The following RNF149 variants were observed in gnomAD, a reference collection of about 807,000 sequenced individuals.
RNF149 encodes the protein E3 ubiquitin-protein ligase RNF149.
Under a neutral mutation model 39.0 loss-of-function variants are expected in RNF149, and 21 were observed. The observed-to-expected ratio is 0.54, with a 90% confidence interval of 0.38 to 0.77. RNF149 has a LOEUF of 0.77. Ranked by LOEUF, RNF149 falls within the 30% of genes least tolerant of loss-of-function variation. RNF149 has a pLI of 0.00. For synonymous variants in RNF149, 209 were observed against 213.6 expected (o/e 0.98, Z 0.19); for missense variants, 493 against 534.9 (o/e 0.92, Z 0.77).
At chr2:101,273,672 C>G (rs1322008331), downstream of RNF149, among the ~76,000 whole-genome samples, 1 of 151,798 alleles carries the variant, frequency 6.6e-6, no homozygotes, top group Non-Finnish European at 1.5e-5. Context: ...TGAGTTTTGC[C>G]TTGTTGCCTA....
chr2:101,284,785 A>T (rs1463468331), intron 5 of RNF149, among the ~76,000 whole-genome samples: 2 of 152,156 alleles, frequency 1.3e-5, no homozygotes, highest in Admixed American at 1.3e-4. Flanking sequence ...TCATCATTTA[A>T]AAAACCCCAA....
At chr2:101,304,404 A>G (rs905114124) in intron 1 of RNF149, among the ~76,000 whole-genome samples, 2 of 152,142 alleles carry the variant, frequency 1.3e-5, no homozygotes, top group African/African-American at 4.8e-5. Flanking sequence ...CTCAAAAACA[A>G]AACAAAACAA....
chr2:101,299,609 A>G (rs1360978611), intron 1 of RNF149, among the ~76,000 whole-genome samples: 1 of 152,198 alleles, frequency 6.6e-6, no homozygotes, highest in Admixed American at 6.5e-5. Context: ...AGCACATACA[A>G]AGTAGAAAGA....
Position 101,304,630 on chromosome 2 carries a change from A to T in RNF149, c.460+3499T>A, listed in dbSNP as rs143118704. On this transcript the variant is annotated intron_variant, in intron 1 of 6. Coordinates refer to ENST00000295317, the MANE Select transcript of RNF149 (RefSeq NM_173647.4). ...AGTGGCTGCTGAATATATGTCTGCT[A>T]AAGTAAACAGAATTGACTTTGGGCA... Among the ~76,000 whole-genome samples, 4 of 152,308 alleles carry T rather than the reference A, an allele frequency of 2.6e-5. No individual in the cohort carries two copies. In the East Asian group the frequency reaches 7.7e-4, roughly 29 times the overall value.
At position 101,293,956 on chromosome 2, in the gene RNF149, G is replaced by A. The variant is rs560027141; in HGVS notation, c.780+58C>T. ...GCCAATCCTTCTTTAAAATAAACACGTACAGCATATTCTCTACTCTAAACC... is the reference window on the plus strand; with the variant it reads ...GCCAATCCTTCTTTAAAATAAACACATACAGCATATTCTCTACTCTAAACC... On this transcript the variant is annotated intron_variant, in intron 3 of 6. Transcript: ENST00000295317. 2.2e-5 allele frequency: 21 copies of A among 973,788 alleles called. No homozygotes were observed. The Middle Eastern group carries it at 6.4e-4, about 30-fold the overall frequency. 60.3% of individuals were successfully genotyped at this position (973,788 alleles called of 1,614,324 possible).
intron 3 of RNF149, among the ~76,000 whole-genome samples, chr2:101,293,674 C>T (rs1683104804): frequency 1.3e-5 from 2 of 152,168 alleles, no homozygotes; most frequent in African/African-American, 2.4e-5. Flanking sequence ...TGAACTGAAG[C>T]TATCAAGGGT....
intron 6 of RNF149, 98 bp downstream of exon 6, chr2:101,281,761 C>T: frequency 6.9e-7 from 1 of 1,453,148 alleles, no homozygotes; most frequent in Non-Finnish European, 9.5e-7. Flanking sequence ...CAAACTCGAG[C>T]AATCCTCCCA....
chr2:101,298,801 TG>T (rs1474529225), intron 1 of RNF149, among the ~76,000 whole-genome samples: 1 of 152,174 alleles, frequency 6.6e-6, no homozygotes. Context: ...CAGGACAGGC[TG>T]GGGGGTCTTA....
At chr2:101,284,638 C>A (rs1307515025) in intron 5 of RNF149, among the ~76,000 whole-genome samples, 1 of 152,048 alleles carries the variant, frequency 6.6e-6, no homozygotes, top group East Asian at 1.9e-4. Flanking sequence ...AGGAAGTGGT[C>A]TCTTAAGCTA....
chr2:101,283,183 C>T (rs1037447306), intron 5 of RNF149, among the ~76,000 whole-genome samples: 7 of 152,154 alleles, frequency 4.6e-5, no homozygotes, highest in African/African-American at 1.4e-4. Flanking sequence ...CAGCAGGGCA[C>T]GTGACCCCTC....
At chr2:101,285,256 C>T (rs1021499348) in intron 5 of RNF149, among the ~76,000 whole-genome samples, 1 of 152,050 alleles carries the variant, frequency 6.6e-6, no homozygotes, top group African/African-American at 2.4e-5. Context: ...TGTATGAAGA[C>T]TCTAAAAACA....
downstream of RNF149, among the ~76,000 whole-genome samples, chr2:101,272,493 A>C (rs184962531): frequency 6.6e-6 from 1 of 152,184 alleles, no homozygotes; most frequent in Non-Finnish European, 1.5e-5. Context: ...AAACTTTTAA[A>C]ACTTAAGTAC....
At chr2:101,279,766 A>G (rs1215034831) in intron 6 of RNF149, among the ~76,000 whole-genome samples, 2 of 152,102 alleles carry the variant, frequency 1.3e-5, no homozygotes, top group Non-Finnish European at 2.9e-5. Context: ...TTACATTCTA[A>G]TATTTCTACC....
In RNF149 at chr2:101,275,953, A is replaced by G; in HGVS notation, c.*1285T>C. On this transcript the variant is annotated 3_prime_UTR_variant, in exon 7 of 7. Coordinates refer to ENST00000295317, the MANE Select transcript of RNF149 (RefSeq NM_173647.4). ...CTCCTCATACTGCATCTGTCTGTAG[A>G]GTTTATTTCAGTAAAACTGTTTACT... is the stretch of plus-strand genomic sequence containing the variant. 2.0e-6 allele frequency: 2 copies of G among 979,732 alleles called. No homozygotes were observed. Among genetic ancestry groups the G allele is most frequent in the Non-Finnish European group, 2.4e-6 (2 of 824,714 alleles). The allele number at this position is 979,732 out of a possible 1,614,324, so 60.7% of individuals were successfully genotyped here.
chr2:101,279,810 A>C (rs1682502727), intron 6 of RNF149, among the ~76,000 whole-genome samples: 1 of 152,194 alleles, frequency 6.6e-6, no homozygotes, highest in African/African-American at 2.4e-5. Context: ...ATGTGCTACA[A>C]AAAAACTGAC....
In RNF149 at chr2:101,289,039, G is replaced by T; in HGVS notation, c.797C>A (p.Ala266Asp). The T allele has an allele frequency of 6.3e-7, 1 of 1,587,724 alleles. No homozygotes were observed. Among genetic ancestry groups the T allele is most frequent in the Non-Finnish European group, 8.6e-7 (1 of 1,157,604 alleles). ...KHGEKGIDVD[A>D]ENCAVCIENF... Reference sequence around the variant, plus strand: ...TTCAATACACACTGCACAATTTTCAGCATCAACATCAATTCCCTGTAAAAA... The same window carrying T: ...TTCAATACACACTGCACAATTTTCATCATCAACATCAATTCCCTGTAAAAA... The change falls in exon 4 of 7, where the codon GCT becomes GAT. Residue 266 changes from alanine (A) to aspartate (D), a missense_variant. Ala to Asp is a moderately radical substitution (Grantham distance 126). Transcript: ENST00000295317.
intron 4 of RNF149, among the ~76,000 whole-genome samples, chr2:101,288,230 CTTTTTTT>C (rs554652378): frequency 1.7e-5 from 1 of 60,576 alleles, no homozygotes; most frequent in Non-Finnish European, 2.8e-5. Flanking sequence ...GAAAGAAAAA[CTTTTTTT>C]TTTTTTTTTT....
At chr2:101,281,655 C>T (rs1264258933) in intron 6 of RNF149, 2 of 584,378 alleles carry the variant, frequency 3.4e-6, no homozygotes, top group Non-Finnish European at 6.0e-6. Flanking sequence ...AGAATGCCAC[C>T]ATACCTGGCT....
rs1683773195 is a variant in RNF149, at chr2:101,308,475, G to A, written c.114C>T (p.Phe38=). The part of the protein sequence containing the change: ...PGARGRALEW[F]SAVVNIEYVD... ...CGTACTCGATGTTTACCACGGCCGA[G>A]AACCACTCGAGAGCCCGGCCCCGGG... The change falls in exon 1 of 7, where the codon TTC becomes TTT. Residue 38 remains phenylalanine (F), a synonymous_variant. Transcript: ENST00000295317. 1.9e-6 allele frequency: 3 copies of A among 1,611,256 alleles called. No homozygotes were observed. Among genetic ancestry groups the A allele is most frequent in the South Asian group, 2.2e-5 (2 of 90,968 alleles).
Sources: allele counts gnomAD v4.1 joint callset (sites outside exome capture counted in the v4.1 genomes callset), GRCh38; gene constraint gnomAD v4.1.1; transcripts MANE v1.5; gene names NCBI Gene and HGNC (gene_info 2026-07-23, HGNC 2026-07-21).